CPSF2: variants seen among roughly 807,000 people sequenced by gnomAD.
CPSF2 encodes the protein cleavage and polyadenylation specificity factor subunit 2.
CPSF2 carries 51 observed loss-of-function variants against 84.2 expected under a neutral mutation model. The observed-to-expected ratio is 0.61, with a 90% CI of 0.48 to 0.77. CPSF2 has a LOEUF of 0.77. CPSF2 is among the 30% of genes least tolerant of loss of function. The pLI is 0.00. For synonymous variants in CPSF2, 286 were observed against 311.9 expected (o/e 0.92, Z 0.87); for missense variants, 641 against 929.4 (o/e 0.69, Z 4.03).
rs967617346 is a variant in CPSF2, at chr14:92,171,125, C to G, written c.*9381C>G. ...TCAGTTATTGCCAAATGGTAGTTTT[C>G]TTTTCTTTTCTTTTCTTTTGAGACA... On this transcript the variant is annotated 3_prime_UTR_variant, in exon 16 of 16. Coordinates refer to ENST00000298875, the MANE Select transcript of CPSF2 (RefSeq NM_017437.3). The G allele has an allele frequency of 6.6e-6, 1 of 151,864 alleles. No individual in the cohort carries two copies. The highest frequency in any genetic ancestry group is 2.4e-5 in the African/African-American group (1 of 41,348). The allele number at this position is 151,864 out of a possible 1,614,324, so 9.4% of individuals were successfully genotyped here. A position where few individuals can be genotyped will look rare whatever the true frequency, so the allele number is the denominator to read the frequency against.
chr14:92,148,898 A>G (rs2069176694), intron 9 of CPSF2, among the ~76,000 whole-genome samples: 1 of 152,170 alleles, frequency 6.6e-6, no homozygotes, highest in South Asian at 2.1e-4. Context: ...TGAACAATGT[A>G]AGAAGATATG....
At position 92,163,619 on chromosome 14, in the gene CPSF2, G is replaced by A. The variant is rs1031207911; in HGVS notation, c.*1875G>A. 1.3e-5 allele frequency: 2 copies of A among 152,606 alleles called. No individual in the cohort carries two copies. Among genetic ancestry groups the A allele is most frequent in the African/African-American group, 4.8e-5 (2 of 41,420 alleles). The allele number at this position is 152,606 out of a possible 1,614,324, so 9.5% of individuals were successfully genotyped here. On this transcript the variant is annotated 3_prime_UTR_variant, in exon 16 of 16. Coordinates refer to ENST00000298875, the MANE Select transcript of CPSF2 (RefSeq NM_017437.3). Reference sequence around the variant, plus strand: ...TGTTAATAGTTCCCATAATCCCTACGTGTTGTGGGAGGGACCCAGTGGGCA... The same window carrying A: ...TGTTAATAGTTCCCATAATCCCTACATGTTGTGGGAGGGACCCAGTGGGCA...
At chr14:92,155,065 A>C in intron 10 of CPSF2, 58 bp from the exon 11 acceptor site, 1 of 1,104,856 alleles carries the variant, frequency 9.1e-7, no homozygotes, top group Non-Finnish European at 1.3e-6. Context: ...ATTGATAAAT[A>C]TTAATTTAAA....
intron 9 of CPSF2, among the ~76,000 whole-genome samples, chr14:92,148,570 CTG>C (rs1215699640): frequency 2.6e-5 from 4 of 151,726 alleles, no homozygotes; most frequent in African/African-American, 9.7e-5. Flanking sequence ...ATTGTCATAA[CTG>C]TTGACATTTT....
chr14:92,122,058 C>T lies in CPSF2; in HGVS notation c.-164C>T. On this transcript the variant is annotated 5_prime_UTR_variant, in exon 1 of 16. Transcript: ENST00000298875. ...CGCTGCTGACCCAGCATCGGCTTTT[C>T]TACGTCTTGAACCTGGATTCGCCTA... 1.8e-6 allele frequency: 1 copy of T among 547,448 alleles called. No individual in the cohort carries two copies. Among genetic ancestry groups the T allele is most frequent in the Non-Finnish European group, 3.3e-6 (1 of 306,606 alleles). The allele number at this position is 547,448 out of a possible 1,614,324, so 33.9% of individuals were successfully genotyped here. A position where few individuals can be genotyped will look rare whatever the true frequency, so the allele number is the denominator to read the frequency against.
rs1430560734 is a variant in CPSF2, at chr14:92,159,846, GA to G, written c.2121+565del. Reference sequence around the variant, plus strand: ...CTTTTAAGGTACATAATTGTTTCATGATTTTTTTTTTTTGGTCTGGATTTTT... The same window carrying G: ...CTTTTAAGGTACATAATTGTTTCATGTTTTTTTTTTTTGGTCTGGATTTTT... On this transcript the variant is annotated intron_variant, in intron 14 of 15. Coordinates refer to ENST00000298875, the MANE Select transcript of CPSF2 (RefSeq NM_017437.3). Among the ~76,000 whole-genome samples, 29 of 150,838 alleles carry G rather than the reference GA, an allele frequency of 1.9e-4. 1 individual carries two copies. The highest frequency in any genetic ancestry group is 4.6e-4 in the African/African-American group (19 of 41,046).
chr14:92,139,061 C>T (rs1229056908), intron 7 of CPSF2, among the ~76,000 whole-genome samples: 1 of 152,114 alleles, frequency 6.6e-6, no homozygotes, highest in Admixed American at 6.5e-5. Context: ...CTATCCCTGG[C>T]ACTCACTGGC....
At chr14:92,155,721 G>A (rs756946041) in intron 11 of CPSF2, among the ~76,000 whole-genome samples, 8 of 151,502 alleles carry the variant, frequency 5.3e-5, no homozygotes, top group Non-Finnish European at 1.0e-4. Flanking sequence ...TTGAGCTCAG[G>A]AGTTTGAGAC....
Position 92,143,257 on chromosome 14 carries a change from T to G in CPSF2, c.1103T>G (p.Leu368Arg). The G allele has an allele frequency of 6.2e-7, 1 of 1,611,078 alleles. No homozygotes were observed. Among genetic ancestry groups the G allele is most frequent in the Non-Finnish European group, 8.5e-7 (1 of 1,178,450 alleles). ...RTTPGTLARF[L>R]IDNPSEKITE... Reference sequence around the variant, plus strand: ...ACTCCTGGGACTTTAGCACGTTTCCTAATTGATAATCCTTCTGAAAAAATT... The same window carrying G: ...ACTCCTGGGACTTTAGCACGTTTCCGAATTGATAATCCTTCTGAAAAAATT... Residue 368 changes from leucine to arginine, a missense_variant, in exon 9 of 16, where the codon CTA (leucine) becomes CGA (arginine). Physicochemically the swap from Leu to Arg is moderately radical, Grantham distance 102. Transcript: ENST00000298875.
intron 9 of CPSF2, among the ~76,000 whole-genome samples, chr14:92,152,485 C>G (rs937193521): frequency 3.3e-5 from 5 of 151,560 alleles, no homozygotes; most frequent in African/African-American, 1.2e-4. Flanking sequence ...GTTGTCCAAG[C>G]TGGAGTGTAA....
At chr14:92,139,192 C>T (rs957984743) in intron 7 of CPSF2, among the ~76,000 whole-genome samples, 33 of 152,064 alleles carry the variant, frequency 2.2e-4, no homozygotes, top group Middle Eastern at 6.8e-3. Context: ...CTGAGGCAGG[C>T]GGATCATGAG....
At chr14:92,140,165 G>T (rs1482354847) in intron 7 of CPSF2, among the ~76,000 whole-genome samples, 1 of 151,694 alleles carries the variant, frequency 6.6e-6, no homozygotes, top group Non-Finnish European at 1.5e-5. Context: ...TGTTGGCCAG[G>T]ATGGTCTTGA....
At chr14:92,126,870 C>T (rs2068851765) in intron 2 of CPSF2, among the ~76,000 whole-genome samples, 1 of 152,096 alleles carries the variant, frequency 6.6e-6, no homozygotes, top group African/African-American at 2.4e-5. Flanking sequence ...TGAACAACCA[C>T]TATGTGCAGG....
At chr14:92,135,165 C>T (rs1156444270) in intron 5 of CPSF2, among the ~76,000 whole-genome samples, 1 of 152,112 alleles carries the variant, frequency 6.6e-6, no homozygotes, top group Non-Finnish European at 1.5e-5. Flanking sequence ...AATATAGTAA[C>T]AAGAATGTTT....
chr14:92,161,475 C>G (rs2069371139), intron 15 of CPSF2, among the ~76,000 whole-genome samples, 177 bp from the exon 16 acceptor site: 1 of 152,152 alleles, frequency 6.6e-6, no homozygotes, highest in African/African-American at 2.4e-5. Context: ...TTTGAATCTT[C>G]TGACATTTAT....
intron 9 of CPSF2, among the ~76,000 whole-genome samples, chr14:92,150,869 T>C (rs1354519079): frequency 6.6e-6 from 1 of 152,228 alleles, no homozygotes; most frequent in African/African-American, 2.4e-5. Flanking sequence ...GATAAAATTC[T>C]AATTTTCAAA....
At chr14:92,139,193 G>A (rs1391861873) in intron 7 of CPSF2, among the ~76,000 whole-genome samples, 4 of 152,092 alleles carry the variant, frequency 2.6e-5, no homozygotes, top group Admixed American at 6.5e-5. Flanking sequence ...TGAGGCAGGC[G>A]GATCATGAGG....
At position 92,159,067 on chromosome 14, in the gene CPSF2, G is replaced by C; in HGVS notation, c.1906G>C (p.Asp636His). The C allele has an allele frequency of 6.2e-7, 1 of 1,614,018 alleles. No homozygotes were observed. The highest frequency in any genetic ancestry group is 8.5e-7 in the Non-Finnish European group (1 of 1,179,944). The change falls in exon 14 of 16, where the codon GAT (aspartate) becomes CAT (histidine). Residue 636 changes from aspartate (D) to histidine (H), a missense_variant. This residue lies in a region of CPSF2 where 430 missense variants were observed against 553.6 expected (regional missense o/e 0.78). Coordinates refer to ENST00000298875, the MANE Select transcript of CPSF2 (RefSeq NM_017437.3). ...ATTAGCTTGGATAGATGGTGTCTTA[G>C]ATATGAGAGTTTCCAAAGTGGACAC... is the stretch of plus-strand genomic sequence containing the variant. Reference protein sequence around the residue: ...AELAWIDGVLDMRVSKVDTGV... With the variant: ...AELAWIDGVLHMRVSKVDTGV...
chr14:92,152,174 G>C (rs1157742283), intron 9 of CPSF2, among the ~76,000 whole-genome samples: 1 of 151,852 alleles, frequency 6.6e-6, no homozygotes, highest in African/African-American at 2.4e-5. Context: ...TTGTTGCCCA[G>C]GCTGGAGCGC....
Sources: gnomAD v4.1 joint callset for allele counts (sites outside exome capture counted in the v4.1 genomes callset) on GRCh38, gnomAD v4.1.1 for gene constraint, gnomAD v4.1.1 regional missense constraint, MANE v1.5 for transcripts, NCBI Gene and HGNC (gene_info 2026-07-23, HGNC 2026-07-21) for gene names.